SEL1L3: variants seen among roughly 807,000 people sequenced by gnomAD.
The protein encoded by SEL1L3 is protein sel-1 homolog 3.
In SEL1L3, 76 loss-of-function variants were observed where a neutral mutation model predicts 142.8. The observed-to-expected ratio is 0.53, with a 90% CI of 0.44 to 0.64. The LOEUF (loss-of-function observed/expected upper bound fraction) is 0.64, where lower values mean the gene tolerates loss of function less well. Among genes scored for constraint, SEL1L3 ranks in the 30% least tolerant of loss-of-function variants. The probability of loss-of-function intolerance (pLI) is 0.00; values close to 1 mark genes in which losing one functional copy is unlikely to be tolerated. For missense variants in SEL1L3, 1,262 were observed against 1,381.7 expected (o/e 0.91, Z 1.37); for synonymous variants, 504 against 519.6 (o/e 0.97, Z 0.41).
chr4:25,836,806 G>C lies in SEL1L3; in HGVS notation c.734-1483C>G, dbSNP rs112192107. Among the ~76,000 whole-genome samples, 1,085 of 152,254 alleles carry C rather than the reference G, an allele frequency of 7.1e-3. 11 individuals carry two copies. The highest frequency in any genetic ancestry group is 0.025 in the African/African-American group (1,031 of 41,542). On this transcript the variant is annotated intron_variant, in intron 2 of 23. Transcript: ENST00000399878. Reference sequence around the variant, plus strand: ...AACACCAATATCGGCACAAATTATGGGGGCTTCAGCTTAGGATGCTGGACA... The same window carrying C: ...AACACCAATATCGGCACAAATTATGCGGGCTTCAGCTTAGGATGCTGGACA...
At chr4:25,763,333 C>G in intron 20 of SEL1L3, among the ~76,000 whole-genome samples, 1 of 152,116 alleles carries the variant, frequency 6.6e-6, no homozygotes, top group Non-Finnish European at 1.5e-5. Context: ...GTACTTGGCA[C>G]TGGGCTTAGA....
At chr4:25,772,718 A>G (rs1719313316) in intron 17 of SEL1L3, among the ~76,000 whole-genome samples, 1 of 152,224 alleles carries the variant, frequency 6.6e-6, no homozygotes. Context: ...GAACTGGGAA[A>G]TAAATTGTGA....
At chr4:25,846,912 C>CA (rs71184268) in intron 2 of SEL1L3, among the ~76,000 whole-genome samples, 50,579 of 71,996 alleles carry the variant, frequency 0.7, 17,064 homozygotes, top group South Asian at 0.77. Flanking sequence ...GACTCCATCT[C>CA]AAAAAAAAAA....
At chr4:25,855,520 C>G (rs1296022501) in intron 1 of SEL1L3, among the ~76,000 whole-genome samples, 1 of 152,140 alleles carries the variant, frequency 6.6e-6, no homozygotes, top group East Asian at 1.9e-4. Context: ...CTTTGGGAGG[C>G]CGAGGCGGGT....
the SEL1L3 span, among the ~76,000 whole-genome samples, chr4:25,739,184 G>A: frequency 1.3e-5 from 2 of 152,050 alleles, no homozygotes; most frequent in South Asian, 4.1e-4. Flanking sequence ...ACTCCAGCCT[G>A]GGCGACAGAG....
chr4:25,837,534 G>A, intron 2 of SEL1L3, among the ~76,000 whole-genome samples: 1 of 151,678 alleles, frequency 6.6e-6, no homozygotes, highest in East Asian at 1.9e-4. Context: ...AAAAAGCTCA[G>A]CCCCAAAGAT....
At chr4:25,723,655 C>A in the SEL1L3 span, among the ~76,000 whole-genome samples, 1 of 152,238 alleles carries the variant, frequency 6.6e-6, no homozygotes, top group East Asian at 1.9e-4. Flanking sequence ...TGAGGAAATT[C>A]CCTTCCCAGA....
intron 9 of SEL1L3, among the ~76,000 whole-genome samples, chr4:25,814,479 T>C (rs775888409): frequency 6.6e-6 from 1 of 152,220 alleles, no homozygotes; most frequent in African/African-American, 2.4e-5. Context: ...TTATAGCTTA[T>C]CTCAGATATG....
chr4:25,746,500 T>G (rs1717264138), downstream of SEL1L3, among the ~76,000 whole-genome samples: 1 of 106,704 alleles, frequency 9.4e-6, no homozygotes, highest in Non-Finnish European at 1.8e-5. Flanking sequence ...CAGAGCAATA[T>G]TATCTAAATA....
At chr4:25,755,738 A>C (rs954314861) in intron 23 of SEL1L3, among the ~76,000 whole-genome samples, 1 of 152,106 alleles carries the variant, frequency 6.6e-6, no homozygotes, top group African/African-American at 2.4e-5. Context: ...AAGCAATTCC[A>C]CCCGCCCATG....
chr4:25,826,728 C>T (rs936813507), intron 6 of SEL1L3, among the ~76,000 whole-genome samples: 4 of 152,072 alleles, frequency 2.6e-5, no homozygotes, highest in Admixed American at 2.0e-4. Flanking sequence ...CTCGCTCTGT[C>T]GCCCCGGCTG....
intron 9 of SEL1L3, among the ~76,000 whole-genome samples, chr4:25,806,856 T>TA (rs59558638): frequency 0.03 from 4,269 of 142,574 alleles, 165 homozygotes; most frequent in African/African-American, 0.093. Context: ...CAGCTTGTCG[T>TA]AAAAAAAAAA....
chr4:25,731,154 T>A, the SEL1L3 span, among the ~76,000 whole-genome samples: 1 of 152,246 alleles, frequency 6.6e-6, no homozygotes, highest in Admixed American at 6.5e-5. Flanking sequence ...ATTGCTTTAA[T>A]ATTTACAAAT....
chr4:25,723,233 T>C, the SEL1L3 span, among the ~76,000 whole-genome samples: 3 of 152,186 alleles, frequency 2.0e-5, no homozygotes, highest in Non-Finnish European at 4.4e-5. Context: ...CTCTGTTGAT[T>C]AGGAGAACAT....
In SEL1L3 at chr4:25,819,850, A is replaced by G; in HGVS notation, c.1381T>C (p.Tyr461His). The G allele has an allele frequency of 6.2e-7, 1 of 1,613,592 alleles. No individual in the cohort carries two copies. The highest frequency in any genetic ancestry group is 1.3e-5 in the African/African-American group (1 of 75,046). Residue 461 changes from tyrosine to histidine, a missense_variant, in exon 8 of 24, where the codon TAT (tyrosine) becomes CAT (histidine). Tyr to His is a moderately conservative substitution (Grantham distance 83, BLOSUM62 2). Coordinates refer to ENST00000399878, the MANE Select transcript of SEL1L3 (RefSeq NM_015187.5). ...CCCCCGTGCTTTGCTGCAGATGCATACACAGATACTATTTCTTGAACCTCA... is the reference window on the plus strand; with the variant it reads ...CCCCCGTGCTTTGCTGCAGATGCATGCACAGATACTATTTCTTGAACCTCA... ...CAEVQEIVSV[Y>H]ASAAKHGGER...
In SEL1L3 at chr4:25,784,286, T is replaced by C; in HGVS notation, c.2222A>G (p.Gln741Arg). The part of the protein sequence containing the change: ...YDYAIVLFKG[Q>R]GVKKNRRLAL... ...AAGCCGTCTGTTCTTTTTTACTCCT[T>C]GACCCTAAACATTGATAAACAGCGA... The change falls in exon 14 of 24, where the codon CAA (glutamine) becomes CGA (arginine). Residue 741 changes from glutamine (Q) to arginine (R), a missense_variant. Around this residue, in one of 3 missense-constraint regions of SEL1L3, gnomAD observed 435 missense variants for 559.2 expected, o/e 0.78. Coordinates refer to ENST00000399878, the MANE Select transcript of SEL1L3 (RefSeq NM_015187.5). The C allele has an allele frequency of 6.2e-7, 1 of 1,613,368 alleles. No individual in the cohort carries two copies. Among genetic ancestry groups the C allele is most frequent in the Non-Finnish European group, 8.5e-7 (1 of 1,179,364 alleles).
chr4:25,768,558 C>A (rs374043508), intron 17 of SEL1L3, among the ~76,000 whole-genome samples: 2 of 152,210 alleles, frequency 1.3e-5, no homozygotes, highest in East Asian at 1.9e-4. Flanking sequence ...TACCATGTGG[C>A]CCTACAGTTC....
intron 9 of SEL1L3, among the ~76,000 whole-genome samples, chr4:25,816,133 TA>T (rs973630301): frequency 4.3e-5 from 6 of 140,390 alleles, no homozygotes; most frequent in Admixed American, 2.8e-4. Flanking sequence ...ATATATTACA[TA>T]ATATAATATA....
downstream of SEL1L3, among the ~76,000 whole-genome samples, chr4:25,746,556 T>TCAAATGTATA (rs1717276618): frequency 2.1e-5 from 2 of 96,438 alleles, no homozygotes; most frequent in African/African-American, 6.9e-5. Context: ...ATGTATATAT[T>TCAAATGTATA]TAAATATATA....
Sources: allele counts gnomAD v4.1 joint callset (sites outside exome capture counted in the v4.1 genomes callset), GRCh38; gene constraint gnomAD v4.1.1; regional missense constraint gnomAD v4.1.1; transcripts MANE v1.5; gene names NCBI Gene and HGNC (gene_info 2026-07-23, HGNC 2026-07-21).